Variants in ANKS1B observed in about 807,000 individuals in gnomAD.
ANKS1B encodes the protein ankyrin repeat and sterile alpha motif domain-containing protein 1B.
In ANKS1B, 36 loss-of-function variants were observed where a neutral mutation model predicts 148.3. The ratio of observed to expected loss-of-function variants is 0.24; its 90% confidence interval spans 0.19 to 0.32. The LOEUF (loss-of-function observed/expected upper bound fraction) is 0.32. Among genes scored for constraint, ANKS1B ranks in the 10% least tolerant of loss-of-function variants. The pLI is 1.00. For synonymous variants in ANKS1B, 542 were observed against 560.8 expected (o/e 0.97, Z 0.47); for missense variants, 1,157 against 1,542.6 (o/e 0.75, Z 4.19).
chr12:98,743,191 G>T (rs139464195), downstream of ANKS1B, among the ~76,000 whole-genome samples: 3 of 152,180 alleles, frequency 2.0e-5, no homozygotes, highest in Non-Finnish European at 2.9e-5. Flanking sequence ...CTTTATCCAA[G>T]CCTGTCTTCT....
intron 9 of ANKS1B, among the ~76,000 whole-genome samples, chr12:99,508,282 G>C (rs979072314): frequency 2.6e-5 from 4 of 151,700 alleles, no homozygotes; most frequent in African/African-American, 9.7e-5. Context: ...CCCATATGAA[G>C]TCTCTTGGAG....
intron 9 of ANKS1B, among the ~76,000 whole-genome samples, chr12:99,640,656 T>C (rs576747962): frequency 9.2e-5 from 14 of 152,318 alleles, no homozygotes; most frequent in Non-Finnish European, 1.9e-4. Flanking sequence ...CTTTATAAAT[T>C]ATCCAGTCGG....
chr12:99,013,065 G>C (rs919284767), intron 17 of ANKS1B, among the ~76,000 whole-genome samples: 1 of 152,160 alleles, frequency 6.6e-6, no homozygotes, highest in Non-Finnish European at 1.5e-5. Context: ...GGAAAGCTGA[G>C]GGGAAATGAT....
At chr12:98,836,397 T>C (rs1245747328) in intron 17 of ANKS1B, among the ~76,000 whole-genome samples, 1 of 152,180 alleles carries the variant, frequency 6.6e-6, no homozygotes, top group Non-Finnish European at 1.5e-5. Context: ...TCACCCAAGA[T>C]TCAATCCGAG....
Position 99,909,217 on chromosome 12 carries a change from C to CAT in ANKS1B, c.134+74886_134+74887insAT, listed in dbSNP as rs1399208524. Among the ~76,000 whole-genome samples the CAT allele has an allele frequency of 2.3e-3, 322 of 137,392 alleles. 6 individuals are homozygous for CAT. The highest frequency in any genetic ancestry group is 7.2e-3 in the Admixed American group (99 of 13,726). 90.1% of individuals were successfully genotyped at this position (137,392 alleles called of 152,430 possible). A position where few individuals can be genotyped will look rare whatever the true frequency, so the allele number is the denominator to read the frequency against. The stretch of plus-strand genomic sequence containing the variant: ...TTTTTAAGGCTGGACAATATTCCAT[C>CAT]GTGTGTGTGTGTGTGTGTGTGTGTG... On this transcript the variant is annotated intron_variant, in intron 1 of 26. Coordinates refer to ENST00000683438, the MANE Select transcript of ANKS1B (RefSeq NM_001352186.2).
At chr12:99,169,649 C>T (rs2077547010) in intron 14 of ANKS1B, among the ~76,000 whole-genome samples, 1 of 152,142 alleles carries the variant, frequency 6.6e-6, no homozygotes, top group Non-Finnish European at 1.5e-5. Flanking sequence ...TTATGTAAAA[C>T]AACATCAAAC....
intron 1 of ANKS1B, among the ~76,000 whole-genome samples, chr12:99,900,293 G>C (rs1048618772): frequency 6.6e-6 from 1 of 151,544 alleles, no homozygotes; most frequent in Non-Finnish European, 1.5e-5. Context: ...GGATCACAAG[G>C]TCAGGTGTTC....
chr12:99,332,955 T>C (rs926593080), intron 12 of ANKS1B, among the ~76,000 whole-genome samples: 11 of 151,892 alleles, frequency 7.2e-5, no homozygotes, highest in African/African-American at 2.7e-4. Flanking sequence ...GGGGCTGTAT[T>C]GTAGCCTAAG....
chr12:98,807,805 G>T (rs776678815), intron 20 of ANKS1B, 39 bp downstream of exon 20: 1 of 1,571,730 alleles, frequency 6.4e-7, no homozygotes, highest in Non-Finnish European at 8.7e-7. Flanking sequence ...AGTACATAGC[G>T]CAAGTTCAGG....
At chr12:99,877,655 A>G (rs1275599837) in intron 1 of ANKS1B, among the ~76,000 whole-genome samples, 7 of 152,356 alleles carry the variant, frequency 4.6e-5, no homozygotes, top group Admixed American at 4.6e-4. Flanking sequence ...CATAATTATT[A>G]TCTTCTAGTT....
At chr12:99,700,566 A>G (rs1017566490) in intron 8 of ANKS1B, among the ~76,000 whole-genome samples, 4 of 152,136 alleles carry the variant, frequency 2.6e-5, no homozygotes, top group South Asian at 4.1e-4. Flanking sequence ...TCCCTACCAT[A>G]GATCTTAGCA....
rs148610419 is a variant in ANKS1B, at chr12:99,482,057, T to C, written c.1438+22419A>G. On this transcript the variant is annotated intron_variant, in intron 10 of 26. Coordinates refer to ENST00000683438, the MANE Select transcript of ANKS1B (RefSeq NM_001352186.2). ...TTTAATTAGGTCCCATTTACTTTTG[T>C]TTTTGTTGCATTTGCTTTTGGGGTC... is the stretch of plus-strand genomic sequence containing the variant. Among the ~76,000 whole-genome samples, 1,483 of 151,978 alleles carry C rather than the reference T, an allele frequency of 9.8e-3. 15 individuals are homozygous for C. The highest frequency in any genetic ancestry group is 0.031 in the Middle Eastern group (9 of 294).
chr12:99,180,626 G>GTTTTTTTTTTTT (rs11415606), intron 14 of ANKS1B, among the ~76,000 whole-genome samples: 3 of 126,042 alleles, frequency 2.4e-5, no homozygotes, highest in Non-Finnish European at 3.4e-5. Flanking sequence ...GAGGGAAAGG[G>GTTTTTTTTTTTT]TTTTTTTTTT....
intron 14 of ANKS1B, among the ~76,000 whole-genome samples, chr12:99,219,040 T>C (rs181348083): frequency 1.9e-4 from 29 of 152,300 alleles, no homozygotes; most frequent in Admixed American, 1.8e-3. Context: ...TGTGGAGGTG[T>C]CCTGAGAGAT....
intron 22 of ANKS1B, among the ~76,000 whole-genome samples, chr12:98,784,954 G>A (rs1048074023): frequency 1.3e-5 from 2 of 152,108 alleles, no homozygotes; most frequent in Non-Finnish European, 2.9e-5. Context: ...TCTCTCCACT[G>A]AGTCATTTGA....
chr12:98,750,743 C>T (rs2098064146), intron 26 of ANKS1B, among the ~76,000 whole-genome samples: 1 of 152,168 alleles, frequency 6.6e-6, no homozygotes, highest in Non-Finnish European at 1.5e-5. Flanking sequence ...AGGATGTCTG[C>T]AGAGCCTGTG....
At chr12:99,592,496 G>A (rs1488217712) in intron 9 of ANKS1B, among the ~76,000 whole-genome samples, 1 of 150,792 alleles carries the variant, frequency 6.6e-6, no homozygotes, top group East Asian at 1.9e-4. Flanking sequence ...AAAAAAAGGT[G>A]AAAAGAATTT....
chr12:99,976,465 T>C (rs547287949), intron 1 of ANKS1B, among the ~76,000 whole-genome samples: 5 of 152,080 alleles, frequency 3.3e-5, no homozygotes, highest in South Asian at 4.2e-4. Flanking sequence ...TGAGATGTGA[T>C]TGAGGAGGGT....
At chr12:98,864,596 T>C (rs950590878) in intron 17 of ANKS1B, among the ~76,000 whole-genome samples, 3 of 152,232 alleles carry the variant, frequency 2.0e-5, no homozygotes, top group African/African-American at 7.2e-5. Context: ...GAGGGAACTC[T>C]GCCAGCAGGC....
Sources: allele counts gnomAD v4.1 joint callset (sites outside exome capture counted in the v4.1 genomes callset), GRCh38; gene constraint gnomAD v4.1.1; transcripts MANE v1.5; gene names NCBI Gene and HGNC (gene_info 2026-07-23, HGNC 2026-07-21).